The following TSNARE1 variants were observed in gnomAD, a reference collection of about 807,000 sequenced individuals.
TSNARE1 encodes t-SNARE domain containing 1, also known as t-SNARE domain-containing protein 1.
A neutral mutation model predicts 62.0 loss-of-function variants in TSNARE1; 49 were observed. The ratio of observed to expected loss-of-function variants is 0.79; its 90% CI spans 0.63 to 1.00. TSNARE1 has a LOEUF of 1.00. Ranked by LOEUF, TSNARE1 falls within the 50% of genes least tolerant of loss-of-function variation. The pLI, the probability that TSNARE1 is intolerant of heterozygous loss-of-function variation, is 0.00. For missense variants in TSNARE1, 755 were observed against 700.1 expected, an observed-to-expected ratio of 1.08 and a Z score of -0.88; for synonymous variants, 328 against 294.4, an observed-to-expected ratio of 1.11 and a Z score of -1.17.
chr8:142,403,688 C>G (rs1252786139), upstream of TSNARE1: 2 of 152,228 alleles, frequency 1.3e-5, no homozygotes, highest in Admixed American at 6.5e-5. Flanking sequence ...CGCGGGGACT[C>G]CGGACTCCCA....
chr8:142,333,917 C>T (rs547280755), intron 4 of TSNARE1, among the ~76,000 whole-genome samples: 26 of 152,246 alleles, frequency 1.7e-4, no homozygotes, highest in African/African-American at 5.8e-4. Flanking sequence ...GTCACCATGG[C>T]CCAGCCTAGC....
At chr8:142,279,960 G>A (rs1296536388) in intron 11 of TSNARE1, 3 of 1,110,302 alleles carry the variant, frequency 2.7e-6, no homozygotes, top group African/African-American at 3.4e-5. Flanking sequence ...GGCCGGGGGC[G>A]GGGCCGCCCT....
chr8:142,281,701 G>C (rs1464377126), intron 11 of TSNARE1, among the ~76,000 whole-genome samples: 2 of 152,098 alleles, frequency 1.3e-5, no homozygotes, highest in Non-Finnish European at 1.5e-5. Flanking sequence ...CATAGAGGAA[G>C]GGCTGTGGCC....
At chr8:142,241,782 G>A (rs987195072) in intron 12 of TSNARE1, among the ~76,000 whole-genome samples, 2 of 152,208 alleles carry the variant, frequency 1.3e-5, no homozygotes, top group Admixed American at 6.5e-5. Context: ...AAATGGTGCT[G>A]GGAAAACCGG....
chr8:142,279,974 C>A (rs1821141240), intron 11 of TSNARE1: 1 of 1,127,022 alleles, frequency 8.9e-7, no homozygotes, highest in Non-Finnish European at 1.1e-6. Context: ...CCGCCCTCCG[C>A]CAGCTTCTTG....
At chr8:142,258,577 G>T (rs1320988196) in intron 12 of TSNARE1, among the ~76,000 whole-genome samples, 3 of 151,002 alleles carry the variant, frequency 2.0e-5, no homozygotes, top group Non-Finnish European at 4.4e-5. Flanking sequence ...TGCCTCCTGG[G>T]TTCAAGCCAT....
intron 12 of TSNARE1, among the ~76,000 whole-genome samples, chr8:142,232,052 T>C (rs1817141527): frequency 6.6e-6 from 1 of 152,224 alleles, no homozygotes. Flanking sequence ...GGTCAGGCAG[T>C]TCCACTTCCA....
intron 7 of TSNARE1, among the ~76,000 whole-genome samples, chr8:142,317,287 CGTGAAGCGGGT>C (rs1563900088): frequency 1.4e-5 from 2 of 146,498 alleles, no homozygotes; most frequent in Non-Finnish European, 3.0e-5. Flanking sequence ...ACACTGTACG[CGTGAAGCGGGT>C]ATGGCCAGCG....
At chr8:142,243,338 C>A (rs116343791) in intron 12 of TSNARE1, among the ~76,000 whole-genome samples, 2 of 152,120 alleles carry the variant, frequency 1.3e-5, no homozygotes, top group Non-Finnish European at 2.9e-5. Flanking sequence ...ATAGCCAGGA[C>A]GTGGAATCGG....
At chr8:142,234,195 C>T (rs772462445) in intron 12 of TSNARE1, among the ~76,000 whole-genome samples, 10 of 151,744 alleles carry the variant, frequency 6.6e-5, no homozygotes, top group South Asian at 2.1e-4. Context: ...TCCAAGATGG[C>T]GCCATGACCA....
chr8:142,358,706 T>C (rs1191735829), intron 1 of TSNARE1, among the ~76,000 whole-genome samples: 2 of 150,166 alleles, frequency 1.3e-5, no homozygotes, highest in African/African-American at 4.9e-5. Flanking sequence ...GCAGCACATG[T>C]CTTCTGCCTA....
intron 10 of TSNARE1, among the ~76,000 whole-genome samples, chr8:142,295,468 G>C (rs1055695859): frequency 2.0e-5 from 3 of 152,212 alleles, no homozygotes; most frequent in Non-Finnish European, 2.9e-5. Flanking sequence ...GTATGCAGCT[G>C]GAGCGGGCCT....
chr8:142,368,658 A>G (rs536376765), intron 1 of TSNARE1, among the ~76,000 whole-genome samples: 5 of 152,304 alleles, frequency 3.3e-5, no homozygotes, highest in South Asian at 2.1e-4. Flanking sequence ...GCTCTTCTCC[A>G]TGGGCTCAAG....
intron 7 of TSNARE1, among the ~76,000 whole-genome samples, chr8:142,315,632 T>C (rs1289764086): frequency 2.0e-5 from 3 of 151,766 alleles, no homozygotes; most frequent in African/African-American, 7.2e-5. Context: ...GGGGTGGGGC[T>C]GGACACGCAC....
intron 10 of TSNARE1, among the ~76,000 whole-genome samples, chr8:142,288,687 G>T (rs1823230114): frequency 6.6e-6 from 1 of 152,248 alleles, no homozygotes; most frequent in South Asian, 2.1e-4. Flanking sequence ...GGGGGGTGGG[G>T]GCATGTTCTC....
intron 9 of TSNARE1, among the ~76,000 whole-genome samples, chr8:142,307,187 T>G (rs1036457081): frequency 2.0e-5 from 3 of 152,108 alleles, no homozygotes; most frequent in Non-Finnish European, 4.4e-5. Flanking sequence ...GTGGCATGAA[T>G]TCAGCTTGGA....
intron 2 of TSNARE1, 59 bp downstream of exon 2, chr8:142,354,578 C>T (rs1368649058): frequency 3.2e-6 from 4 of 1,234,368 alleles, no homozygotes; most frequent in East Asian, 2.4e-5. Flanking sequence ...CAGTGAGGAT[C>T]CTACCCTACC....
At chr8:142,289,657 A>T (rs1823416794) in intron 10 of TSNARE1, among the ~76,000 whole-genome samples, 1 of 152,130 alleles carries the variant, frequency 6.6e-6, no homozygotes, top group South Asian at 2.1e-4. Context: ...GGCCACTTCT[A>T]CCAGGCAGCC....
intron 1 of TSNARE1, among the ~76,000 whole-genome samples, chr8:142,402,493 C>A (rs1169353127): frequency 6.6e-6 from 1 of 152,252 alleles, no homozygotes; most frequent in East Asian, 1.9e-4. Context: ...AACACGAGGT[C>A]CCTGGAGAGT....
Sources: gnomAD v4.1 joint callset for allele counts (sites outside exome capture counted in the v4.1 genomes callset) on GRCh38, gnomAD v4.1.1 for gene constraint, MANE v1.5 for transcripts, NCBI Gene and HGNC (gene_info 2026-07-23, HGNC 2026-07-21) for gene names.